KPNA3: variants seen among roughly 807,000 people sequenced by gnomAD.
KPNA3 encodes importin subunit alpha-4.
Under a neutral mutation model 73.8 loss-of-function variants are expected in KPNA3, and 13 were observed. That is an observed-to-expected ratio of 0.18 (90% confidence interval 0.11 to 0.28). KPNA3 has a LOEUF of 0.28. KPNA3 is among the 10% of genes least tolerant of loss of function. The probability of loss-of-function intolerance (pLI) is 1.00; values close to 1 mark genes in which losing one functional copy is unlikely to be tolerated. For synonymous variants in KPNA3, 186 were observed against 206.9 expected (o/e 0.90, Z 0.87); for missense variants, 360 against 618.1 (o/e 0.58, Z 4.43).
chr13:49,758,081 T>G (rs1396808866), intron 1 of KPNA3, among the ~76,000 whole-genome samples: 2 of 152,076 alleles, frequency 1.3e-5, no homozygotes, highest in Non-Finnish European at 2.9e-5. Flanking sequence ...TTCAATAATG[T>G]ACATGATGGG....
In KPNA3 at chr13:49,725,386, A is replaced by C. The variant is rs200808954; in HGVS notation, c.469+30T>G. On this transcript the variant is annotated intron_variant, in intron 7 of 16. Coordinates refer to ENST00000261667, the MANE Select transcript of KPNA3 (RefSeq NM_002267.4). The stretch of plus-strand genomic sequence containing the variant: ...ACTTCCTTGCCATCATTAAAACACA[A>C]AAAGTTCAGACAGTAAGGAATTTAC... 2,922 of 1,373,100 alleles carry C rather than the reference A, an allele frequency of 2.1e-3. 5 individuals carry two copies. Among genetic ancestry groups the C allele is most frequent in the Non-Finnish European group, 2.4e-3 (2,403 of 995,320 alleles). 85.1% of individuals were successfully genotyped at this position (1,373,100 alleles called of 1,614,324 possible).
At chr13:49,770,339 C>A (rs1054617827) in intron 1 of KPNA3, among the ~76,000 whole-genome samples, 1 of 151,718 alleles carries the variant, frequency 6.6e-6, no homozygotes, top group Non-Finnish European at 1.5e-5. Flanking sequence ...CCACACCAGG[C>A]AAATTTTTAA....
chr13:49,726,641 G>C (rs1326550714), intron 6 of KPNA3, among the ~76,000 whole-genome samples: 1 of 152,134 alleles, frequency 6.6e-6, no homozygotes, highest in Non-Finnish European at 1.5e-5. Context: ...GTTAAAGGCT[G>C]ATATAGGAGA....
At chr13:49,727,341 G>A (rs1374997608) in intron 6 of KPNA3, among the ~76,000 whole-genome samples, 4 of 151,646 alleles carry the variant, frequency 2.6e-5, no homozygotes, top group Non-Finnish European at 4.4e-5. Context: ...CCAGCTGCTC[G>A]GGAGGCTGAG....
chr13:49,747,757 AC>A (rs778359255), intron 1 of KPNA3, among the ~76,000 whole-genome samples: 4 of 152,260 alleles, frequency 2.6e-5, no homozygotes, highest in Non-Finnish European at 5.9e-5. Context: ...ATGATGAGCT[AC>A]AATTAGTTAA....
intron 10 of KPNA3, among the ~76,000 whole-genome samples, chr13:49,714,876 T>A (rs1323522363): frequency 6.6e-6 from 1 of 152,080 alleles, no homozygotes; most frequent in Non-Finnish European, 1.5e-5. Flanking sequence ...TGAATGCTGA[T>A]GTAAAAATCT....
At chr13:49,772,934 T>C (rs1358835845) in intron 1 of KPNA3, among the ~76,000 whole-genome samples, 1 of 152,174 alleles carries the variant, frequency 6.6e-6, no homozygotes, top group Non-Finnish European at 1.5e-5. Context: ...TAAACAAATA[T>C]TCATAGCAGT....
At chr13:49,730,255 G>A (rs181122944) in intron 6 of KPNA3, among the ~76,000 whole-genome samples, 177 of 152,150 alleles carry the variant, frequency 1.2e-3, no homozygotes, top group African/African-American at 3.9e-3. Context: ...GCCCTAGGCC[G>A]GGCCCAGTGG....
chr13:49,737,555 GTGTGTC>G (rs1954534487), intron 2 of KPNA3, among the ~76,000 whole-genome samples: 1 of 112,286 alleles, frequency 8.9e-6, no homozygotes, highest in South Asian at 3.2e-4. Flanking sequence ...TATTAAGTGT[GTGTGTC>G]TGTGTGTGTG....
chr13:49,727,964 G>GCA (rs1261700619), intron 6 of KPNA3, among the ~76,000 whole-genome samples: 5 of 152,084 alleles, frequency 3.3e-5, no homozygotes, highest in African/African-American at 1.2e-4. Context: ...GGCCGGGCAT[G>GCA]GTGGCTCACG....
At chr13:49,727,579 G>A (rs931860727) in intron 6 of KPNA3, among the ~76,000 whole-genome samples, 1 of 151,954 alleles carries the variant, frequency 6.6e-6, no homozygotes, top group Non-Finnish European at 1.5e-5. Context: ...GAACATATGA[G>A]AAAATGAAGT....
chr13:49,732,548 C>T, intron 5 of KPNA3, 57 bp downstream of exon 5: 5 of 1,454,226 alleles, frequency 3.4e-6, no homozygotes, highest in Non-Finnish European at 4.8e-6. Context: ...TTCTAGACTA[C>T]CAGGTAACAC....
chr13:49,792,378 C>T (rs1444039576), intron 1 of KPNA3, 60 bp downstream of exon 1: 5 of 1,289,522 alleles, frequency 3.9e-6, no homozygotes, highest in African/African-American at 1.5e-5. Flanking sequence ...GCCCCCCGCC[C>T]CTCCCCGCGT....
Position 49,732,437 on chromosome 13 carries a change from G to A in KPNA3, c.317C>T (p.Pro106Leu). The change falls in exon 6 of 17, where the codon CCG becomes CTG. Residue 106 changes from proline (P) to leucine (L), a missense_variant. Around this residue, in one of 3 missense-constraint regions of KPNA3, gnomAD observed 287 missense variants for 549.1 expected, o/e 0.52. Coordinates refer to ENST00000261667, the MANE Select transcript of KPNA3 (RefSeq NM_002267.4). Reference sequence around the variant, plus strand: ...CCCAGATTTTATTAAGTCATCAATCGGTGGATTTCTGTCACTGGATAACAG... The same window carrying A: ...CCCAGATTTTATTAAGTCATCAATCAGTGGATTTCTGTCACTGGATAACAG... ...RKLLSSDRNP[P>L]IDDLIKSGIL... 1.9e-6 allele frequency: 3 copies of A among 1,594,898 alleles called. No homozygotes were observed. The highest frequency in any genetic ancestry group is 2.6e-6 in the Non-Finnish European group (3 of 1,167,774).
rs536284225 is a variant in KPNA3, at chr13:49,766,274, T to C, written c.70-19281A>G. 2.0e-5 allele frequency among the ~76,000 whole-genome samples: 3 copies of C among 152,326 alleles called. No homozygotes were observed. The South Asian group carries it at 6.2e-4, about 32-fold the overall frequency. On this transcript the variant is annotated intron_variant, in intron 1 of 16. Coordinates refer to ENST00000261667, the MANE Select transcript of KPNA3 (RefSeq NM_002267.4). ...TTGAGGTTTTAACATCAATGATTTA[T>C]TTTTCATTTCTAGCAAGTTTATTTT...
chr13:49,724,434 G>T (rs9596181), intron 7 of KPNA3, among the ~76,000 whole-genome samples: 18,058 of 151,828 alleles, frequency 0.12, 2,151 homozygotes, highest in East Asian at 0.58. Flanking sequence ...CTCCCAAGCA[G>T]CTGGGACTAC....
Position 49,792,521 on chromosome 13 carries a change from C to CCGGCGGCGGTTACTCCTGCGGCTG in KPNA3, c.-16_-15insCAGCCGCAGGAGTAACCGCCGCCG. 6.5e-7 allele frequency: 1 copy of CCGGCGGCGGTTACTCCTGCGGCTG among 1,534,352 alleles called. No individual in the cohort carries two copies. The highest frequency in any genetic ancestry group is 8.8e-7 in the Non-Finnish European group (1 of 1,137,588). On this transcript the variant is annotated 5_prime_UTR_variant, in exon 1 of 17. Coordinates refer to ENST00000261667, the MANE Select transcript of KPNA3 (RefSeq NM_002267.4). ...TTCTCGGCCATGGCTGCGCGCGGCT[C>CCGGCGGCGGTTACTCCTGCGGCTG]CGGCGGCGGCTACTCCTGCGGCTGC... is the stretch of plus-strand genomic sequence containing the variant.
chr13:49,745,771 A>G (rs1423146332), intron 2 of KPNA3, among the ~76,000 whole-genome samples: 1 of 152,152 alleles, frequency 6.6e-6, no homozygotes, highest in Non-Finnish European at 1.5e-5. Flanking sequence ...TTTTTAAAAG[A>G]TATATGTATA....
chr13:49,788,957 G>C (rs1955009113), intron 1 of KPNA3, among the ~76,000 whole-genome samples: 1 of 152,098 alleles, frequency 6.6e-6, no homozygotes, highest in Admixed American at 6.5e-5. Context: ...GGAGGAGGAA[G>C]AGGGAGGAAG....
Sources: allele counts gnomAD v4.1 joint callset (sites outside exome capture counted in the v4.1 genomes callset), GRCh38; gene constraint gnomAD v4.1.1; regional missense constraint gnomAD v4.1.1; transcripts MANE v1.5; gene names NCBI Gene and HGNC (gene_info 2026-07-23, HGNC 2026-07-21).